ZBBX: variants seen among roughly 807,000 people sequenced by gnomAD.
The protein encoded by ZBBX is zinc finger B-box domain containing.
ZBBX carries 101 observed loss-of-function variants against 108.5 expected under a neutral mutation model. The observed-to-expected ratio is 0.93, with a 90% CI of 0.79 to 1.10. The LOEUF (loss-of-function observed/expected upper bound fraction) is 1.10, where lower values mean the gene tolerates loss of function less well. Among genes scored for constraint, ZBBX ranks in the 50% least tolerant of loss-of-function variants. ZBBX has a pLI of 0.00. For missense variants in ZBBX, 1,009 were observed against 941.4 expected (o/e 1.07, Z -0.94); for synonymous variants, 356 against 323.4 (o/e 1.10, Z -1.08).
chr3:167,283,275 T>G (rs1304793279), intron 19 of ZBBX, among the ~76,000 whole-genome samples: 13 of 152,164 alleles, frequency 8.5e-5, no homozygotes, highest in Non-Finnish European at 1.9e-4. Flanking sequence ...ATAACTAATT[T>G]CTAATTTGGT....
chr3:167,329,400 A>G (rs1737998562), intron 10 of ZBBX, among the ~76,000 whole-genome samples: 1 of 152,202 alleles, frequency 6.6e-6, no homozygotes, highest in South Asian at 2.1e-4. Context: ...AATTCAGGGT[A>G]TATTGTTAAA....
At chr3:167,359,131 C>A (rs1744100990) in intron 8 of ZBBX, among the ~76,000 whole-genome samples, 3 of 151,880 alleles carry the variant, frequency 2.0e-5, no homozygotes, top group South Asian at 2.1e-4. Context: ...CTCCATAATA[C>A]AAATGAACAC....
intron 20 of ZBBX, among the ~76,000 whole-genome samples, chr3:167,267,920 C>T (rs1331642253): frequency 6.6e-6 from 1 of 151,762 alleles, no homozygotes; most frequent in Non-Finnish European, 1.5e-5. Flanking sequence ...TGCCCTGGAT[C>T]CTGCCCCAGA....
rs527345449 is a variant in ZBBX, at chr3:167,257,976, T to G, written c.2255-15333A>C. ...ATCTGTTTGCTCTTCTGACTGTTCC[T>G]TCTGCTGAGCAAAAACTCTTTAGTT... On this transcript the variant is annotated intron_variant, in intron 20 of 21. Coordinates refer to ENST00000675490, the MANE Select transcript of ZBBX (RefSeq NM_001199201.2). Among the ~76,000 whole-genome samples the G allele has an allele frequency of 2.2e-4, 33 of 152,308 alleles. No homozygotes were observed. The East Asian group carries it at 4.4e-3, about 20-fold the overall frequency.
intron 20 of ZBBX, among the ~76,000 whole-genome samples, chr3:167,243,623 C>A (rs1721063665): frequency 6.6e-6 from 1 of 152,040 alleles, no homozygotes; most frequent in Non-Finnish European, 1.5e-5. Flanking sequence ...CTCTTGAACT[C>A]CTGACCTCGT....
chr3:167,206,402 A>T, the ZBBX span, among the ~76,000 whole-genome samples: 1 of 152,040 alleles, frequency 6.6e-6, no homozygotes, highest in East Asian at 1.9e-4. Flanking sequence ...ATAGATGCTG[A>T]GTTTTTCATA....
chr3:167,186,726 A>G, the ZBBX span, among the ~76,000 whole-genome samples: 1 of 152,310 alleles, frequency 6.6e-6, no homozygotes, highest in Non-Finnish European at 1.5e-5. Flanking sequence ...AACAAAATCA[A>G]TAAAATGAGC....
At chr3:167,275,349 G>A (rs1727334521) in intron 20 of ZBBX, among the ~76,000 whole-genome samples, 1 of 152,184 alleles carries the variant, frequency 6.6e-6, no homozygotes, top group South Asian at 2.1e-4. Context: ...GGTGATTTCT[G>A]CATTTCCATC....
At chr3:167,247,411 C>G (rs1310003590) in intron 20 of ZBBX, among the ~76,000 whole-genome samples, 1 of 152,152 alleles carries the variant, frequency 6.6e-6, no homozygotes, top group Non-Finnish European at 1.5e-5. Flanking sequence ...TCTCGCTTCC[C>G]CATCAGCGGA....
chr3:167,300,476 G>T (rs959808412), intron 17 of ZBBX, among the ~76,000 whole-genome samples: 1 of 151,976 alleles, frequency 6.6e-6, no homozygotes, highest in Admixed American at 6.6e-5. Flanking sequence ...CATTCAGATT[G>T]TTTCCTGAAC....
At chr3:167,370,577 A>G (rs191316718) in intron 4 of ZBBX, among the ~76,000 whole-genome samples, 17 of 152,320 alleles carry the variant, frequency 1.1e-4, no homozygotes, top group Middle Eastern at 3.4e-3. Flanking sequence ...CCACTGTGGT[A>G]GAGGAAAAGG....
chr3:167,372,962 A>G lies in ZBBX; in HGVS notation c.-49-12T>C, dbSNP rs1746374640. On this transcript the variant is annotated splice_polypyrimidine_tract_variant and intron_variant, in intron 3 of 21. Coordinates refer to ENST00000675490, the MANE Select transcript of ZBBX (RefSeq NM_001199201.2). ...ATTTGTAAACACTTCTGTAAAAGTAACAAAGACAAAAGAATTATGGCAGAG... is the reference window on the plus strand; with the variant it reads ...ATTTGTAAACACTTCTGTAAAAGTAGCAAAGACAAAAGAATTATGGCAGAG... 1 of 1,316,644 alleles carries G rather than the reference A, an allele frequency of 7.6e-7. No homozygotes were observed. Among genetic ancestry groups the G allele is most frequent in the Non-Finnish European group, 1.1e-6 (1 of 947,620 alleles). 81.6% of individuals were successfully genotyped at this position (1,316,644 alleles called of 1,614,324 possible).
intron 16 of ZBBX, among the ~76,000 whole-genome samples, chr3:167,307,185 C>T (rs1012518251): frequency 1.3e-5 from 2 of 151,996 alleles, no homozygotes; most frequent in East Asian, 3.9e-4. Flanking sequence ...ACTGAAAGGG[C>T]AAAAGTATTC....
At chr3:167,212,585 T>G in the ZBBX span, among the ~76,000 whole-genome samples, 5 of 152,184 alleles carry the variant, frequency 3.3e-5, no homozygotes, top group African/African-American at 4.8e-5. Context: ...ACCCCTGGCG[T>G]GGACCCACAG....
chr3:167,285,886 AT>A (rs1729603327), intron 19 of ZBBX, among the ~76,000 whole-genome samples: 1 of 152,132 alleles, frequency 6.6e-6, no homozygotes, highest in Non-Finnish European at 1.5e-5. Flanking sequence ...GCCCTGTTCC[AT>A]TACTGAAGAT....
At chr3:167,255,301 C>A (rs950030300) in intron 20 of ZBBX, among the ~76,000 whole-genome samples, 2 of 151,688 alleles carry the variant, frequency 1.3e-5, no homozygotes, top group African/African-American at 4.8e-5. Context: ...ATGTGCCATT[C>A]GGCAATAAGA....
chr3:167,345,505 CA>C (rs1741281764), intron 9 of ZBBX, among the ~76,000 whole-genome samples: 1 of 151,720 alleles, frequency 6.6e-6, no homozygotes, highest in South Asian at 2.1e-4. Context: ...AAAATTCATA[CA>C]TTTTTTCAAA....
chr3:167,325,960 C>A (rs1737307141), intron 11 of ZBBX, among the ~76,000 whole-genome samples: 1 of 152,068 alleles, frequency 6.6e-6, no homozygotes, highest in South Asian at 2.1e-4. Context: ...GAGAGTACAA[C>A]CAACACAGTA....
chr3:167,231,768 C>T, the ZBBX span, among the ~76,000 whole-genome samples: 7 of 151,692 alleles, frequency 4.6e-5, no homozygotes, highest in Non-Finnish European at 3.0e-5. Context: ...TTTCCCAAAT[C>T]TGTGGTGGGT....
Sources: gnomAD v4.1 joint callset for allele counts (sites outside exome capture counted in the v4.1 genomes callset) on GRCh38, gnomAD v4.1.1 for gene constraint, MANE v1.5 for transcripts, NCBI Gene and HGNC (gene_info 2026-07-23, HGNC 2026-07-21) for gene names.